The following BNC2 variants were observed in gnomAD, a reference collection of about 807,000 sequenced individuals.
BNC2 encodes the protein zinc finger protein basonuclin-2.
A neutral mutation model predicts 76.3 loss-of-function variants in BNC2; 20 were observed. The observed-to-expected ratio is 0.26, with a 90% CI of 0.18 to 0.38. The LOEUF is 0.38. BNC2 is among the 10% of genes least tolerant of loss of function. The probability of loss-of-function intolerance (pLI) is 1.00; values close to 1 mark genes in which losing one functional copy is unlikely to be tolerated. For missense variants in BNC2, 1,382 were observed against 1,399.8 expected (o/e 0.99, Z 0.20); for synonymous variants, 582 against 514.8 (o/e 1.13, Z -1.77).
chr9:16,779,130 A>AGAAAAAAG (rs1554729001), intron 1 of BNC2, among the ~76,000 whole-genome samples: 33 of 87,634 alleles, frequency 3.8e-4, no homozygotes, highest in African/African-American at 1.3e-3. Context: ...AAAAAAAAAA[A>AGAAAAAAG]AAAAGAAAAG....
At chr9:16,866,884 G>C (rs765390467) in intron 1 of BNC2, among the ~76,000 whole-genome samples, 3 of 152,026 alleles carry the variant, frequency 2.0e-5, no homozygotes, top group African/African-American at 7.2e-5. Context: ...GATTTGAGGA[G>C]GCTACCTCCC....
chr9:16,868,794 T>TTG (rs10529508), intron 1 of BNC2, among the ~76,000 whole-genome samples: 32 of 151,538 alleles, frequency 2.1e-4, no homozygotes, highest in South Asian at 8.3e-4. Context: ...TCACAAGGGA[T>TTG]TGTGTGTGTG....
chr9:16,672,841 T>C (rs1431861362), intron 3 of BNC2, among the ~76,000 whole-genome samples: 1 of 152,164 alleles, frequency 6.6e-6, no homozygotes, highest in Non-Finnish European at 1.5e-5. Flanking sequence ...AAGAGCAAGG[T>C]AAATAAAATC....
Position 16,415,848 on chromosome 9 carries a change from G to A in BNC2, c.*3141C>T, listed in dbSNP as rs1820574698. The stretch of plus-strand genomic sequence containing the variant: ...TACTCATTTAGAAGGCCACCGTAAC[G>A]ACTGGGCACTTGAGGCACAAAAGTA... On this transcript the variant is annotated 3_prime_UTR_variant, in exon 7 of 7. Coordinates refer to ENST00000380672, the MANE Select transcript of BNC2 (RefSeq NM_017637.6). The A allele has an allele frequency of 1.3e-5, 2 of 152,136 alleles. No homozygotes were observed. The highest frequency in any genetic ancestry group is 2.4e-5 in the African/African-American group (1 of 41,420). The allele number at this position is 152,136 out of a possible 1,614,324, so 9.4% of individuals were successfully genotyped here.
At chr9:16,562,785 T>C (rs547668856) in intron 4 of BNC2, among the ~76,000 whole-genome samples, 1 of 152,326 alleles carries the variant, frequency 6.6e-6, no homozygotes, top group East Asian at 1.9e-4. Flanking sequence ...AATTGTGTGA[T>C]ACACATGGAA....
chr9:16,680,668 G>A (rs1822796705), intron 3 of BNC2, among the ~76,000 whole-genome samples: 1 of 151,432 alleles, frequency 6.6e-6, no homozygotes, highest in Non-Finnish European at 1.5e-5. Context: ...ACCTGTGTCA[G>A]CCCACCCTAT....
chr9:16,611,204 T>C (rs563013383), intron 3 of BNC2, among the ~76,000 whole-genome samples: 1 of 152,202 alleles, frequency 6.6e-6, no homozygotes, highest in African/African-American at 2.4e-5. Flanking sequence ...ATATATTTGT[T>C]ACAACACAAA....
chr9:16,491,566 A>G (rs1251936010), intron 5 of BNC2, among the ~76,000 whole-genome samples: 1 of 152,216 alleles, frequency 6.6e-6, no homozygotes, highest in African/African-American at 2.4e-5. Context: ...CAGTAATTCT[A>G]AGAGAGCCTG....
intron 3 of BNC2, among the ~76,000 whole-genome samples, chr9:16,722,354 T>C (rs955614190): frequency 3.9e-5 from 6 of 152,240 alleles, no homozygotes; most frequent in Non-Finnish European, 7.3e-5. Flanking sequence ...AGTGGGAGGA[T>C]GTGCTGCTGT....
chr9:16,422,013 C>A (rs1820720555), intron 6 of BNC2, among the ~76,000 whole-genome samples: 1 of 152,162 alleles, frequency 6.6e-6, no homozygotes, highest in Non-Finnish European at 1.5e-5. Flanking sequence ...AGACACACAG[C>A]AGTTGCATCA....
intron 5 of BNC2, among the ~76,000 whole-genome samples, chr9:16,489,140 A>G (rs1427348963): frequency 6.6e-6 from 1 of 152,222 alleles, no homozygotes; most frequent in East Asian, 1.9e-4. Context: ...GTCTTACTTA[A>G]TAAAACAATC....
At chr9:16,517,320 G>C (rs1587123154) in intron 5 of BNC2, among the ~76,000 whole-genome samples, 1 of 152,102 alleles carries the variant, frequency 6.6e-6, no homozygotes, top group Non-Finnish European at 1.5e-5. Flanking sequence ...TTAAATGTTA[G>C]TCAATCTTAA....
At chr9:16,518,864 G>A (rs551023600) in intron 5 of BNC2, among the ~76,000 whole-genome samples, 7 of 152,298 alleles carry the variant, frequency 4.6e-5, no homozygotes, top group African/African-American at 1.4e-4. Flanking sequence ...GCCTCCCCAA[G>A]TGCAGGGATT....
At chr9:16,636,941 G>A (rs1347529751) in intron 3 of BNC2, among the ~76,000 whole-genome samples, 67 of 151,068 alleles carry the variant, frequency 4.4e-4, no homozygotes, top group Non-Finnish European at 3.0e-5. Context: ...ATATATATAT[G>A]TATTTTTTTT....
At chr9:16,649,043 T>C (rs1821719665) in intron 3 of BNC2, among the ~76,000 whole-genome samples, 1 of 152,220 alleles carries the variant, frequency 6.6e-6, no homozygotes, top group Non-Finnish European at 1.5e-5. Flanking sequence ...AGTGTATCTT[T>C]GATATGTAAG....
At chr9:16,443,797 T>C (rs1821177336) in intron 5 of BNC2, among the ~76,000 whole-genome samples, 1 of 152,150 alleles carries the variant, frequency 6.6e-6, no homozygotes, top group South Asian at 2.1e-4. Context: ...AAAGGTAAGA[T>C]TATGGGAACA....
rs111521542 is a variant in BNC2, at chr9:16,608,078, G to C, written c.331-24993C>G. Among the ~76,000 whole-genome samples the C allele has an allele frequency of 5.3e-5, 8 of 152,226 alleles. 1 individual carries two copies. The highest frequency in any genetic ancestry group is 1.9e-4 in the African/African-American group (8 of 41,544). On this transcript the variant is annotated intron_variant, in intron 3 of 6. Transcript: ENST00000380672. Reference sequence around the variant, plus strand: ...ATTTGAGACATCAAATTTACGTCAGGGGAGGGCAGGCTCAAAAAGAGTAGA... The same window carrying C: ...ATTTGAGACATCAAATTTACGTCAGCGGAGGGCAGGCTCAAAAAGAGTAGA...
intron 3 of BNC2, among the ~76,000 whole-genome samples, chr9:16,701,738 T>C (rs1012698649): frequency 6.6e-6 from 1 of 151,132 alleles, no homozygotes; most frequent in Non-Finnish European, 1.5e-5. Flanking sequence ...GGCCAGGAGT[T>C]CAAGACTAGC....
intron 1 of BNC2, among the ~76,000 whole-genome samples, chr9:16,750,000 T>C (rs1825140783): frequency 6.6e-6 from 1 of 152,178 alleles, no homozygotes; most frequent in African/African-American, 2.4e-5. Context: ...TTATATTCAT[T>C]TACACTGCAT....
Sources: allele counts gnomAD v4.1 joint callset (sites outside exome capture counted in the v4.1 genomes callset), GRCh38; gene constraint gnomAD v4.1.1; transcripts MANE v1.5; gene names NCBI Gene and HGNC (gene_info 2026-07-23, HGNC 2026-07-21).